Variants in NR2E3 observed in about 807,000 individuals in gnomAD.
NR2E3 encodes nuclear receptor subfamily 2 group E member 3, also known as photoreceptor-specific nuclear receptor.
Under a neutral mutation model 37.6 loss-of-function variants are expected in NR2E3, and 38 were observed. The ratio of observed to expected loss-of-function variants is 1.01; its 90% CI spans 0.78 to 1.33. The LOEUF (loss-of-function observed/expected upper bound fraction) is 1.33. NR2E3 is among the 40% of genes most tolerant of loss of function. The pLI is 0.00. For synonymous variants in NR2E3, 235 were observed against 225.1 expected, an observed-to-expected ratio of 1.04 and a Z score of -0.39; for missense variants, 562 against 558.7, an observed-to-expected ratio of 1.01 and a Z score of -0.06.
Position 71,811,723 on chromosome 15 carries a change from A to C in NR2E3, c.246-43A>C, listed in dbSNP as rs766297526. On this transcript the variant is annotated intron_variant, in intron 2 of 7. Transcript: ENST00000617575. The surrounding 1 kb of genome is among the most constrained non-coding windows in gnomAD (Gnocchi z 5.6). ...AATGTCCAAGCCCATGGCTCAGGGC[A>C]TGGGAGGGACACTGACCCCTGGGGT... 5 of 1,546,242 alleles carry C rather than the reference A, an allele frequency of 3.2e-6. No homozygotes were observed. Among genetic ancestry groups the C allele is most frequent in the Non-Finnish European group, 4.4e-6 (5 of 1,142,430 alleles).
intron 7 of NR2E3, 34 bp downstream of exon 7, chr15:71,814,151 C>A: frequency 6.3e-7 from 1 of 1,594,192 alleles, no homozygotes; most frequent in Non-Finnish European, 8.5e-7. Context: ...ACTCATCTGT[C>A]CCTGACCTCT....
chr15:71,811,011 C>T lies in NR2E3; in HGVS notation c.118+150C>T, dbSNP rs980467218. ...AGGGTGGGGTAGCCTGTGGGTAAAC[C>T]CAGAATCCTAGAAACACGGTGGGGC... On this transcript the variant is annotated intron_variant, in intron 1 of 7. Coordinates refer to ENST00000617575, the MANE Select transcript of NR2E3 (RefSeq NM_014249.4). The surrounding 1 kb of genome is among the most constrained non-coding windows in gnomAD (Gnocchi z 5.6). 3.6e-5 allele frequency: 30 copies of T among 840,368 alleles called. No individual in the cohort carries two copies. Among genetic ancestry groups the T allele is most frequent in the Non-Finnish European group, 5.3e-5 (29 of 551,154 alleles). The allele number at this position is 840,368 out of a possible 1,614,324, so 52.1% of individuals were successfully genotyped here. A position where few individuals can be genotyped will look rare whatever the true frequency, so the allele number is the denominator to read the frequency against.
chr15:71,813,400 G>A lies in NR2E3; in HGVS notation c.759G>A (p.Leu253=). 6.2e-7 allele frequency: 1 copy of A among 1,611,612 alleles called. No homozygotes were observed. The highest frequency in any genetic ancestry group is 8.5e-7 in the Non-Finnish European group (1 of 1,178,994). The change falls in exon 6 of 8, where the codon CTG becomes CTA. Residue 253 remains leucine, a synonymous_variant. Coordinates refer to ENST00000617575, the MANE Select transcript of NR2E3 (RefSeq NM_014249.4). This position sits in a 1 kb window ranked among gnomAD's most constrained non-coding sequence, Gnocchi z 4.7. Reference sequence around the variant, plus strand: ...CTGTCTGAGCACAGGTGATCCTGCTGGAAGAGGCGTGGAGTGAACTCTTTC... The same window carrying A: ...CTGTCTGAGCACAGGTGATCCTGCTAGAAGAGGCGTGGAGTGAACTCTTTC... ...SLPFRDQVIL[L]EEAWSELFLL... is the part of the protein sequence containing the mutation.
rs1385496653 is a variant in NR2E3, at chr15:71,810,805, G to A, written c.62G>A (p.Gly21Glu). 7 of 1,575,452 alleles carry A rather than the reference G, an allele frequency of 4.4e-6. No individual in the cohort carries two copies. The African/African-American group carries it at 9.5e-5, about 21-fold the overall frequency. The change falls in exon 1 of 8, where the codon GGG becomes GAG. Residue 21 changes from glycine (G) to glutamate (E), a missense_variant. By Grantham distance (98) the Gly-to-Glu change is moderately conservative. Transcript: ENST00000617575. ...STVAAAAPAAGAASRKESPGR... is the reference protein window; with the variant it reads ...STVAAAAPAAEAASRKESPGR... ...GTGGCTGCAGCTGCGCCTGCAGCTG[G>A]GGCTGCCTCCAGGAAGGAGTCTCCA...
Position 71,812,478 on chromosome 15 carries a change from G to C in NR2E3, c.714G>C (p.Leu238=), listed in dbSNP as rs1288807083. The change falls in exon 5 of 8, where the codon CTG becomes CTC. Residue 238 remains leucine (L), a synonymous_variant. Coordinates refer to ENST00000617575, the MANE Select transcript of NR2E3 (RefSeq NM_014249.4). ...LFMAVKWAKN[L]PVFSSLPFRD... The stretch of plus-strand genomic sequence containing the variant: ...TGGCCGTCAAGTGGGCCAAGAACCT[G>C]CCTGTGTTCTCCAGCCTGCCCTTCC... 9.3e-6 allele frequency: 15 copies of C among 1,613,362 alleles called. No homozygotes were observed. The highest frequency in any genetic ancestry group is 1.3e-5 in the Non-Finnish European group (15 of 1,179,464).
Position 71,813,275 on chromosome 15 carries a change from C to T in NR2E3, c.748-114C>T, listed in dbSNP as rs909660593. 7.7e-6 allele frequency: 11 copies of T among 1,423,886 alleles called. No homozygotes were observed. Among genetic ancestry groups the T allele is most frequent in the South Asian group, 2.6e-5 (2 of 78,178 alleles). 88.2% of individuals were successfully genotyped at this position (1,423,886 alleles called of 1,614,324 possible). ...CTGGCTGATGTCAGGAGAGCATTCT[C>T]GGGTCCCAGGACAGCACTTCCATTC... On this transcript the variant is annotated intron_variant, in intron 5 of 7. Transcript: ENST00000617575. This position sits in a 1 kb window ranked among gnomAD's most constrained non-coding sequence, Gnocchi z 4.7.
rs1437477515 is a variant in NR2E3 at position 71,811,882 on chromosome 15, C to T, written c.349+13C>T. ...ATGAACCAGGACGGTGAGGCGGGGG[C>T]TGGCCCGGGGGGAGGTGACAAGAAA... On this transcript the variant is annotated intron_variant, in intron 3 of 7. Transcript: ENST00000617575. This position sits in a 1 kb window ranked among gnomAD's most constrained non-coding sequence, Gnocchi z 5.6. 6.5e-7 allele frequency: 1 copy of T among 1,550,016 alleles called. No homozygotes were observed. The highest frequency in any genetic ancestry group is 2.0e-5 in the Admixed American group (1 of 50,968).
At chr15:71,814,633 C>G (rs1227443084) in intron 7 of NR2E3, 2 of 958,630 alleles carry the variant, frequency 2.1e-6, no homozygotes, top group Non-Finnish European at 1.2e-6. Flanking sequence ...CCAGCCCGTT[C>G]AGGACTTTGA....
At position 71,811,445 on chromosome 15, in the gene NR2E3, A is replaced by AGCCAT. The variant is rs2054178351; in HGVS notation, c.119-35_119-34insATGCC. 6.7e-7 allele frequency: 1 copy of AGCCAT among 1,485,354 alleles called. No individual in the cohort carries two copies. Among genetic ancestry groups the AGCCAT allele is most frequent in the African/African-American group, 1.7e-5 (1 of 57,300 alleles). 92.0% of individuals were successfully genotyped at this position (1,485,354 alleles called of 1,614,324 possible). On this transcript the variant is annotated intron_variant, in intron 1 of 7. Coordinates refer to ENST00000617575, the MANE Select transcript of NR2E3 (RefSeq NM_014249.4). The surrounding 1 kb of genome is among the most constrained non-coding windows in gnomAD (Gnocchi z 5.6). The stretch of plus-strand genomic sequence containing the variant: ...GGAGCGTGCAGCCCTGCCCCGGCCC[A>AGCCAT]GCCCTGCCCTGGCCCAGCCCTGCCC...
chr15:71,814,770 C>G, intron 7 of NR2E3: 2 of 985,554 alleles, frequency 2.0e-6, no homozygotes, highest in African/African-American at 3.5e-5. Flanking sequence ...GAGGATACTA[C>G]TGGGAAGGGG....
Position 71,813,372 on chromosome 15 carries a change from C to A in NR2E3, c.748-17C>A, listed in dbSNP as rs752504082. The stretch of plus-strand genomic sequence containing the variant: ...AGCTGTGTGTCTGCCATAACAGGCA[C>A]CCCTGTCTGAGCACAGGTGATCCTG... On this transcript the variant is annotated splice_polypyrimidine_tract_variant and intron_variant, in intron 5 of 7. Coordinates refer to ENST00000617575, the MANE Select transcript of NR2E3 (RefSeq NM_014249.4). The surrounding 1 kb of genome is among the most constrained non-coding windows in gnomAD (Gnocchi z 4.7). 2 of 1,608,408 alleles carry A rather than the reference C, an allele frequency of 1.2e-6. No individual in the cohort carries two copies. Among genetic ancestry groups the A allele is most frequent in the Admixed American group, 3.4e-5 (2 of 59,342 alleles).
chr15:71,813,762 G>A lies in NR2E3; in HGVS notation c.994+127G>A, dbSNP rs2054206108. 9 of 1,507,012 alleles carry A rather than the reference G, an allele frequency of 6.0e-6. No homozygotes were observed. Among genetic ancestry groups the A allele is most frequent in the Non-Finnish European group, 7.2e-6 (8 of 1,105,946 alleles). 93.4% of individuals were successfully genotyped at this position (1,507,012 alleles called of 1,614,324 possible). A position where few individuals can be genotyped will look rare whatever the true frequency, so the allele number is the denominator to read the frequency against. On this transcript the variant is annotated intron_variant, in intron 6 of 7. Transcript: ENST00000617575. This position sits in a 1 kb window ranked among gnomAD's most constrained non-coding sequence, Gnocchi z 4.7. ...CTCTATCCTGGGGGGTGGGAGGAGA[G>A]TGGTGAGGCTGGACTCCCTTCTCCT...
rs1199054276 is a variant in NR2E3 at position 71,812,888 on chromosome 15, T to A, written c.747+377T>A. ...CTGAGTGGCTGACTCTAGGCCCCCT[T>A]GGAGCACAAGTGCCTACGACTTCAG... On this transcript the variant is annotated intron_variant, in intron 5 of 7. Transcript: ENST00000617575. Among the ~76,000 whole-genome samples the A allele has an allele frequency of 2.6e-5, 4 of 152,280 alleles. No individual in the cohort carries two copies. In the East Asian group the frequency reaches 7.7e-4, roughly 29 times the overall value.
rs781407085 is a variant in NR2E3 at position 71,811,889 on chromosome 15, G to A, written c.349+20G>A. On this transcript the variant is annotated intron_variant, in intron 3 of 7. Coordinates refer to ENST00000617575, the MANE Select transcript of NR2E3 (RefSeq NM_014249.4). This position sits in a 1 kb window ranked among gnomAD's most constrained non-coding sequence, Gnocchi z 5.6. ...AGGACGGTGAGGCGGGGGCTGGCCC[G>A]GGGGGAGGTGACAAGAAATGGGCAG... is the stretch of plus-strand genomic sequence containing the variant. 4.5e-5 allele frequency: 70 copies of A among 1,549,414 alleles called. No homozygotes were observed. The Middle Eastern group carries it at 5.0e-4, about 11-fold the overall frequency.
rs547464254 is a variant in NR2E3 at position 71,813,914 on chromosome 15, G to C, written c.995-98G>C. 188 of 1,543,740 alleles carry C rather than the reference G, an allele frequency of 1.2e-4. No homozygotes were observed. The African/African-American group carries it at 2.3e-3, about 19-fold the overall frequency. Reference sequence around the variant, plus strand: ...CAGAGCCCACCCCACAGGGCCCCAGGTCCATGTCTGCAGCCAGAACCCTGG... The same window carrying C: ...CAGAGCCCACCCCACAGGGCCCCAGCTCCATGTCTGCAGCCAGAACCCTGG... On this transcript the variant is annotated intron_variant, in intron 6 of 7. Coordinates refer to ENST00000617575, the MANE Select transcript of NR2E3 (RefSeq NM_014249.4). This position sits in a 1 kb window ranked among gnomAD's most constrained non-coding sequence, Gnocchi z 4.7.
chr15:71,810,976 G>A, intron 1 of NR2E3, 115 bp downstream of exon 1: 3 of 1,168,986 alleles, frequency 2.6e-6, no homozygotes, highest in Non-Finnish European at 3.5e-6. Flanking sequence ...AGCCCCGCCG[G>A]CTGTGGGCAA....
Position 71,812,319 on chromosome 15 carries a change from A to G in NR2E3, c.572-17A>G, listed in dbSNP as rs371633925. 21 of 1,613,388 alleles carry G rather than the reference A, an allele frequency of 1.3e-5. No individual in the cohort carries two copies. In the African/African-American group the frequency reaches 2.0e-4, roughly 15 times the overall value. ...CCGAGAAGCAGGCGCTAAGATCACA[A>G]CCTCCTCCTCCAACAGCTGATGAGA... On this transcript the variant is annotated splice_polypyrimidine_tract_variant and intron_variant, in intron 4 of 7. Coordinates refer to ENST00000617575, the MANE Select transcript of NR2E3 (RefSeq NM_014249.4).
At position 71,814,136 on chromosome 15, in the gene NR2E3, C is replaced by G; in HGVS notation, c.1100+19C>G. ...CCGTGAGGTGACCTGAGCATGCGCC[C>G]ACCCACTCATCTGTCCCTGACCTCT... On this transcript the variant is annotated intron_variant, in intron 7 of 7. Transcript: ENST00000617575. The G allele has an allele frequency of 6.2e-7, 1 of 1,604,442 alleles. No individual in the cohort carries two copies. The highest frequency in any genetic ancestry group is 8.5e-7 in the Non-Finnish European group (1 of 1,178,474).
Position 71,816,955 on chromosome 15 carries a change from A to G in NR2E3, c.1101-597A>G, listed in dbSNP as rs28618096. On this transcript the variant is annotated intron_variant, in intron 7 of 7. Coordinates refer to ENST00000617575, the MANE Select transcript of NR2E3 (RefSeq NM_014249.4). Reference sequence around the variant, plus strand: ...CGAACCATCTGTATAGAGTTAATATAAACTTCACTTTATAATCTTTACATA... The same window carrying G: ...CGAACCATCTGTATAGAGTTAATATGAACTTCACTTTATAATCTTTACATA... Among the ~76,000 whole-genome samples the G allele has an allele frequency of 5.6e-3, 849 of 152,266 alleles. 11 individuals carry two copies. The highest frequency in any genetic ancestry group is 0.019 in the African/African-American group (804 of 41,562).
Sources: gnomAD v4.1 joint callset for allele counts (sites outside exome capture counted in the v4.1 genomes callset) on GRCh38, gnomAD v4.1.1 for gene constraint, Gnocchi (gnomAD v3.1) non-coding constraint, MANE v1.5 for transcripts, NCBI Gene and HGNC (gene_info 2026-07-23, HGNC 2026-07-21) for gene names.